Variants in ATF7IP2 observed in about 807,000 individuals in gnomAD.
ATF7IP2 encodes the protein activating transcription factor 7-interacting protein 2.
In ATF7IP2, 42 loss-of-function variants were observed where a neutral mutation model predicts 64.2. That is an observed-to-expected ratio of 0.65 (90% CI 0.51 to 0.85). The LOEUF (loss-of-function observed/expected upper bound fraction) is 0.85, where lower values mean the gene tolerates loss of function less well. Among genes scored for constraint, ATF7IP2 ranks in the 40% least tolerant of loss-of-function variants. ATF7IP2 has a pLI of 0.00. For synonymous variants in ATF7IP2, 308 were observed against 272.8 expected, an observed-to-expected ratio of 1.13 and a Z score of -1.27; for missense variants, 933 against 784.2, an observed-to-expected ratio of 1.19 and a Z score of -2.27.
chr16:10,456,076 T>G (rs1414102345), intron 8 of ATF7IP2, among the ~76,000 whole-genome samples: 2 of 151,930 alleles, frequency 1.3e-5, no homozygotes, highest in Non-Finnish European at 2.9e-5. Flanking sequence ...GCCTCCTGGG[T>G]TCAATCAATT....
In ATF7IP2 at chr16:10,405,804, G is replaced by A. The variant is rs188135553; in HGVS notation, c.-241-8770G>A. 1.5e-3 allele frequency among the ~76,000 whole-genome samples: 221 copies of A among 152,288 alleles called. 3 individuals carry two copies. The highest frequency in any genetic ancestry group is 3.1e-4 in the Non-Finnish European group (21 of 68,026). On this transcript the variant is annotated intron_variant, in intron 1 of 13. Transcript: ENST00000562102. The stretch of plus-strand genomic sequence containing the variant: ...GTAGGTTTGTACTGACAATAAACCT[G>A]TGTTGCTGTTGAGCTGCCAACTCTG...
intron 8 of ATF7IP2, among the ~76,000 whole-genome samples, chr16:10,453,375 AGCCCCACCAT>A (rs2049053429): frequency 6.6e-6 from 1 of 151,928 alleles, no homozygotes; most frequent in Non-Finnish European, 1.5e-5. Context: ...CCCTGGTGAG[AGCCCCACCAT>A]GCTTTAGCTC....
At chr16:10,429,488 T>G (rs2048171077) in intron 4 of ATF7IP2, among the ~76,000 whole-genome samples, 3 of 152,154 alleles carry the variant, frequency 2.0e-5, no homozygotes, top group Admixed American at 2.0e-4. Flanking sequence ...AAGCTGGGAT[T>G]ACAGGCATGT....
intron 1 of ATF7IP2, among the ~76,000 whole-genome samples, chr16:10,404,121 T>C (rs1040048748): frequency 2.6e-5 from 4 of 152,222 alleles, no homozygotes; most frequent in African/African-American, 9.6e-5. Context: ...ATGGATTTAA[T>C]GCTAGCTATA....
chr16:10,428,184 CAT>C (rs1491210834), intron 3 of ATF7IP2, among the ~76,000 whole-genome samples: 2 of 152,140 alleles, frequency 1.3e-5, no homozygotes, highest in African/African-American at 2.4e-5. Context: ...TTTGGAGAAA[CAT>C]AAGTAAATGC....
At chr16:10,420,221 A>G (rs1202511091) in intron 3 of ATF7IP2, among the ~76,000 whole-genome samples, 1 of 152,218 alleles carries the variant, frequency 6.6e-6, no homozygotes, top group Admixed American at 6.5e-5. Flanking sequence ...TGGAATGCCC[A>G]TCACCGCAAA....
intron 9 of ATF7IP2, among the ~76,000 whole-genome samples, chr16:10,469,324 A>G (rs919422476): frequency 4.6e-5 from 7 of 152,192 alleles, no homozygotes; most frequent in Non-Finnish European, 1.0e-4. Context: ...CCTATGGAAC[A>G]GTATCAGGCA....
intron 1 of ATF7IP2, among the ~76,000 whole-genome samples, chr16:10,413,334 T>C (rs143561177): frequency 4.0e-4 from 61 of 152,220 alleles, no homozygotes; most frequent in Admixed American, 2.4e-3. Flanking sequence ...ATTTGATGGG[T>C]TTATCAGGGG....
At chr16:10,431,990 A>ATTTTTTTTTTTTTTTTTTTT (rs34029007) in intron 5 of ATF7IP2, among the ~76,000 whole-genome samples, 1 of 111,608 alleles carries the variant, frequency 9.0e-6, no homozygotes. Flanking sequence ...CGCCCGGCTA[A>ATTTTTTTTTTTTTTTTTTTT]TTTTTTTTTT....
intron 6 of ATF7IP2, among the ~76,000 whole-genome samples, chr16:10,435,594 G>A (rs1222292089): frequency 6.6e-6 from 1 of 152,196 alleles, no homozygotes; most frequent in Non-Finnish European, 1.5e-5. Context: ...GTCTAACCAA[G>A]AGGAGTTGCC....
chr16:10,417,657 A>G (rs2047906708), intron 2 of ATF7IP2, among the ~76,000 whole-genome samples: 1 of 152,324 alleles, frequency 6.6e-6, no homozygotes. Context: ...CATACTAGAC[A>G]GAAATTGATA....
At chr16:10,429,858 A>G (rs554027193) in intron 4 of ATF7IP2, among the ~76,000 whole-genome samples, 15 of 113,994 alleles carry the variant, frequency 1.3e-4, no homozygotes, top group Admixed American at 4.1e-4. Context: ...TTTTTATTTT[A>G]TTTTATTTTA....
chr16:10,401,930 G>C (rs891144045), intron 1 of ATF7IP2, among the ~76,000 whole-genome samples: 2 of 151,862 alleles, frequency 1.3e-5, no homozygotes, highest in Middle Eastern at 3.2e-3. Context: ...TTGTTGTTTT[G>C]TATTTCTGTG....
At chr16:10,465,494 C>T (rs1000176411) in intron 9 of ATF7IP2, among the ~76,000 whole-genome samples, 10 of 151,806 alleles carry the variant, frequency 6.6e-5, no homozygotes, top group Non-Finnish European at 1.3e-4. Context: ...CGCCTGTAAT[C>T]CCAGCACTTT....
Position 10,483,520 on chromosome 16 carries a change from G to A in ATF7IP2, c.*1271G>A, listed in dbSNP as rs750499040. ...CAACTGTTTGAAAGTTCGAAAGAGG[G>A]GCATTCTTTTCTGGTACATGGTGAG... On this transcript the variant is annotated 3_prime_UTR_variant, in exon 14 of 14. Coordinates refer to ENST00000562102, the MANE Select transcript of ATF7IP2 (RefSeq NM_001393719.1). The A allele has an allele frequency of 6.6e-6, 1 of 152,102 alleles. No individual in the cohort carries two copies. Among genetic ancestry groups the A allele is most frequent in the East Asian group, 1.9e-4 (1 of 5,194 alleles). 9.4% of individuals were successfully genotyped at this position (152,102 alleles called of 1,614,324 possible).
chr16:10,387,964 G>A (rs1327377252), intron 1 of ATF7IP2, among the ~76,000 whole-genome samples: 5 of 151,892 alleles, frequency 3.3e-5, no homozygotes, highest in African/African-American at 9.7e-5. Context: ...GTGAAGTGGC[G>A]CGATCTCGGC....
chr16:10,457,465 C>G lies in ATF7IP2; in HGVS notation c.1288C>G (p.Pro430Ala). Residue 430 changes from proline (P) to alanine (A), a missense_variant, in exon 9 of 14, where the codon CCT becomes GCT. Transcript: ENST00000562102. ...KSSVNYEPSN[P>A]SEKGSKKINL... ...TTCTGTGAATTATGAGCCTTCTAAC[C>G]CTTCCGAAAAAGGAAGTAAAAAAAT... 6.3e-7 allele frequency: 1 copy of G among 1,598,892 alleles called. No homozygotes were observed. Among genetic ancestry groups the G allele is most frequent in the Non-Finnish European group, 8.5e-7 (1 of 1,174,790 alleles).
chr16:10,438,316 C>T lies in ATF7IP2; in HGVS notation c.1095+81C>T, dbSNP rs1184685241. ...TGTTGCTCAGGCTGCAGTACGGTGG[C>T]TCACTGCAGCCTCTGCCTTCTGAGC... On this transcript the variant is annotated intron_variant, in intron 7 of 13. Coordinates refer to ENST00000562102, the MANE Select transcript of ATF7IP2 (RefSeq NM_001393719.1). The T allele has an allele frequency of 2.1e-6, 3 of 1,396,640 alleles. No individual in the cohort carries two copies. The African/African-American group carries it at 4.5e-5, about 21-fold the overall frequency. The allele number at this position is 1,396,640 out of a possible 1,614,324, so 86.5% of individuals were successfully genotyped here.
intron 3 of ATF7IP2, among the ~76,000 whole-genome samples, chr16:10,422,336 T>C (rs901476030): frequency 4.6e-5 from 7 of 152,200 alleles, no homozygotes; most frequent in African/African-American, 1.7e-4. Flanking sequence ...CTTCAAACTT[T>C]GCAAATTTTT....
Sources: allele counts gnomAD v4.1 joint callset (sites outside exome capture counted in the v4.1 genomes callset), GRCh38; gene constraint gnomAD v4.1.1; transcripts MANE v1.5; gene names NCBI Gene and HGNC (gene_info 2026-07-23, HGNC 2026-07-21).